Variants in LCOR observed in about 807,000 individuals in gnomAD.
LCOR encodes ligand dependent nuclear receptor corepressor.
Under a neutral mutation model 64.4 loss-of-function variants are expected in LCOR, and 14 were observed. The ratio of observed to expected loss-of-function variants is 0.22; its 90% CI spans 0.14 to 0.34. The LOEUF is 0.34. Ranked by LOEUF, LCOR falls within the 10% of genes least tolerant of loss-of-function variation. LCOR has a pLI of 1.00. For synonymous variants in LCOR, 643 were observed against 642.5 expected (o/e 1.00, Z -0.01); for missense variants, 1,686 against 1,765.3 (o/e 0.96, Z 0.80).
intron 4 of LCOR, among the ~76,000 whole-genome samples, chr10:96,928,027 T>C (rs752517961): frequency 3.3e-5 from 5 of 152,190 alleles, no homozygotes; most frequent in Non-Finnish European, 5.9e-5. Context: ...CTTCAGTAAA[T>C]TGGAATCTTT....
intron 4 of LCOR, among the ~76,000 whole-genome samples, chr10:96,935,220 C>T (rs540386870): frequency 9.0e-5 from 12 of 133,678 alleles, no homozygotes; most frequent in South Asian, 2.3e-4. Context: ...ATGATCTTGG[C>T]GCACTGCAAC....
At chr10:96,841,210 T>G (rs1845533704) in intron 2 of LCOR, among the ~76,000 whole-genome samples, 1 of 152,186 alleles carries the variant, frequency 6.6e-6, no homozygotes, top group South Asian at 2.1e-4. Flanking sequence ...AACATATAGT[T>G]GTCTCACAAG....
chr10:96,868,379 A>T (rs756838494), intron 2 of LCOR, among the ~76,000 whole-genome samples: 4 of 146,042 alleles, frequency 2.7e-5, no homozygotes, highest in Non-Finnish European at 6.0e-5. Context: ...GGTTCAAGTG[A>T]TTCTCCTGCC....
At chr10:96,919,419 T>TC (rs1364007007) in intron 4 of LCOR, among the ~76,000 whole-genome samples, 2 of 152,140 alleles carry the variant, frequency 1.3e-5, no homozygotes, top group Non-Finnish European at 2.9e-5. Flanking sequence ...CTGCTTCTCT[T>TC]CCCCCCTTCC....
rs1383739926 is a variant in LCOR at position 96,992,766 on chromosome 10, G to A, written c.*7632G>A. ...TCCAAACCCATGCTTGTGAGATATGGAGAAACCACTGGTTGCCTAGAGAAA... is the reference window on the plus strand; with the variant it reads ...TCCAAACCCATGCTTGTGAGATATGAAGAAACCACTGGTTGCCTAGAGAAA... On this transcript the variant is annotated 3_prime_UTR_variant, in exon 8 of 8. Transcript: ENST00000421806. 1.3e-5 allele frequency: 2 copies of A among 152,254 alleles called. No individual in the cohort carries two copies. The highest frequency in any genetic ancestry group is 2.9e-5 in the Non-Finnish European group (2 of 68,052). The allele number at this position is 152,254 out of a possible 1,614,324, so 9.4% of individuals were successfully genotyped here. A position where few individuals can be genotyped will look rare whatever the true frequency, so the allele number is the denominator to read the frequency against.
intron 2 of LCOR, among the ~76,000 whole-genome samples, chr10:96,875,376 TAAA>T (rs541035827): frequency 6.8e-6 from 1 of 146,340 alleles, no homozygotes; most frequent in African/African-American, 2.5e-5. Flanking sequence ...CTGTCTCAAA[TAAA>T]AAAAAAAATA....
chr10:96,936,923 A>T (rs961753018), intron 4 of LCOR, among the ~76,000 whole-genome samples: 1 of 152,264 alleles, frequency 6.6e-6, no homozygotes, highest in African/African-American at 2.4e-5. Context: ...AAAATTGAAC[A>T]ATTATAACAA....
chr10:96,958,289 A>G (rs1847817491), intron 7 of LCOR: 1 of 1,405,122 alleles, frequency 7.1e-7, no homozygotes. Flanking sequence ...TTGTTCAGAG[A>G]GGTTTAATCC....
rs1185743679 is a variant in LCOR, at chr10:96,982,912, A to G, written c.2452A>G (p.Arg818Gly). 8 of 1,613,830 alleles carry G rather than the reference A, an allele frequency of 5.0e-6. No homozygotes were observed. The highest frequency in any genetic ancestry group is 5.9e-6 in the Non-Finnish European group (7 of 1,179,978). The change falls in exon 8 of 8, where the codon AGA becomes GGA. Residue 818 changes from arginine (R) to glycine (G), a missense_variant. By Grantham distance (125) the Arg-to-Gly change is moderately radical. This residue lies in a region of LCOR where 1,293 missense variants were observed against 1,410.4 expected (regional missense o/e 0.92). Coordinates refer to ENST00000421806, the MANE Select transcript of LCOR (RefSeq NM_001346516.2). ...KFPEASDRCL[R>G]SQLSDSSSAD... is the part of the protein sequence containing the mutation. ...CCCTGAGGCCTCTGATAGGTGCCTAAGAAGTCAACTTTCGGATTCTTCCTC... is the reference window on the plus strand; with the variant it reads ...CCCTGAGGCCTCTGATAGGTGCCTAGGAAGTCAACTTTCGGATTCTTCCTC...
At chr10:96,845,749 G>A (rs570318908) in intron 2 of LCOR, among the ~76,000 whole-genome samples, 94 of 151,624 alleles carry the variant, frequency 6.2e-4, no homozygotes, top group Non-Finnish European at 6.9e-4. Flanking sequence ...TTACAGGTGT[G>A]AGCCACCGCA....
intron 2 of LCOR, among the ~76,000 whole-genome samples, chr10:96,883,063 A>G (rs1319342525): frequency 1.3e-5 from 2 of 152,064 alleles, no homozygotes; most frequent in African/African-American, 4.8e-5. Flanking sequence ...TTGAGACAGA[A>G]TCTCATGTTG....
chr10:96,899,689 T>C (rs1846600573), intron 2 of LCOR, among the ~76,000 whole-genome samples: 1 of 152,090 alleles, frequency 6.6e-6, no homozygotes, highest in South Asian at 2.1e-4. Context: ...AAATAAATCT[T>C]GTAAATCTAA....
At chr10:96,890,389 A>C (rs1846419858) in intron 2 of LCOR, among the ~76,000 whole-genome samples, 1 of 152,074 alleles carries the variant, frequency 6.6e-6, no homozygotes, top group Non-Finnish European at 1.5e-5. Flanking sequence ...CCCAGCCTAA[A>C]ACTGATTTTC....
chr10:96,847,155 G>C (rs1845643470), intron 2 of LCOR, among the ~76,000 whole-genome samples: 1 of 152,020 alleles, frequency 6.6e-6, no homozygotes, highest in Non-Finnish European at 1.5e-5. Context: ...GACATGAGAG[G>C]ATTGCTGGAG....
At chr10:96,860,952 G>A (rs1845878175) in intron 2 of LCOR, among the ~76,000 whole-genome samples, 3 of 152,196 alleles carry the variant, frequency 2.0e-5, no homozygotes, top group Non-Finnish European at 4.4e-5. Flanking sequence ...AGCTGTTGAG[G>A]TAAGGACAGT....
chr10:96,858,777 C>T (rs1468964039), intron 2 of LCOR, among the ~76,000 whole-genome samples: 2 of 152,018 alleles, frequency 1.3e-5, no homozygotes, highest in African/African-American at 4.8e-5. Flanking sequence ...GCTATCAGGA[C>T]CTCACAGATC....
chr10:96,980,954 C>T lies in LCOR; in HGVS notation c.494C>T (p.Pro165Leu), dbSNP rs1197674053. Residue 165 changes from proline (P) to leucine (L), a missense_variant, in exon 8 of 8, where the codon CCT becomes CTT. By Grantham distance (98) the Pro-to-Leu change is moderately conservative. This residue lies in a region of LCOR where 313 missense variants were observed against 247.2 expected (regional missense o/e 1.27). Transcript: ENST00000421806. ...ESQPGTEDLQ[P>L]SDSGAMDVST... The stretch of plus-strand genomic sequence containing the variant: ...CAACCAGGCACTGAGGACCTGCAGC[C>T]TTCTGATTCGGGAGCAATGGATGTA... 2.8e-6 allele frequency: 2 copies of T among 703,028 alleles called. No individual in the cohort carries two copies. The allele number at this position is 703,028 out of a possible 1,614,324, so 43.5% of individuals were successfully genotyped here.
intron 2 of LCOR, among the ~76,000 whole-genome samples, chr10:96,889,642 T>C (rs952709921): frequency 2.6e-5 from 4 of 152,200 alleles, no homozygotes; most frequent in Admixed American, 2.6e-4. Context: ...GTTGCTTCCT[T>C]AGAGACCTCA....
At chr10:96,872,407 A>G (rs1456098127) in intron 2 of LCOR, among the ~76,000 whole-genome samples, 1 of 152,210 alleles carries the variant, frequency 6.6e-6, no homozygotes, top group East Asian at 1.9e-4. Context: ...CAAATAAAGG[A>G]GGAGGCTGGG....
Sources: allele counts gnomAD v4.1 joint callset (sites outside exome capture counted in the v4.1 genomes callset), GRCh38; gene constraint gnomAD v4.1.1; regional missense constraint gnomAD v4.1.1; transcripts MANE v1.5; gene names NCBI Gene and HGNC (gene_info 2026-07-23, HGNC 2026-07-21).